Variants in SFMBT2 observed in about 807,000 individuals in gnomAD.
SFMBT2 encodes the protein Scm like with four mbt domains 2.
SFMBT2 carries 38 observed loss-of-function variants against 110.1 expected under a neutral mutation model. The ratio of observed to expected loss-of-function variants is 0.35; its 90% confidence interval spans 0.27 to 0.45. The LOEUF is 0.45. Among genes scored for constraint, SFMBT2 ranks in the 20% least tolerant of loss-of-function variants. The pLI is 1.00. For synonymous variants in SFMBT2, 425 were observed against 425.4 expected, an observed-to-expected ratio of 1.00 and a Z score of 0.01; for missense variants, 1,011 against 1,094.9, an observed-to-expected ratio of 0.92 and a Z score of 1.08.
At chr10:7,173,869 G>A (rs1837964640) in intron 17 of SFMBT2, among the ~76,000 whole-genome samples, 1 of 152,150 alleles carries the variant, frequency 6.6e-6, no homozygotes, top group Admixed American at 6.5e-5. Flanking sequence ...CATGATTTTA[G>A]TGCATTCTCA....
At chr10:7,295,404 A>C (rs1325317662) in intron 4 of SFMBT2, 1 of 152,250 alleles carries the variant, frequency 6.6e-6, no homozygotes, top group African/African-American at 2.4e-5. Context: ...TTACACCTCC[A>C]ACAACTTGTA....
intron 1 of SFMBT2, among the ~76,000 whole-genome samples, chr10:7,401,464 C>A (rs1051761977): frequency 6.6e-6 from 1 of 152,142 alleles, no homozygotes; most frequent in Non-Finnish European, 1.5e-5. Flanking sequence ...ACAATATGTA[C>A]TATGAAAGAA....
chr10:7,285,045 A>G (rs1220898483), intron 5 of SFMBT2: 3 of 152,250 alleles, frequency 2.0e-5, no homozygotes, highest in Non-Finnish European at 4.4e-5. Context: ...TGTCAATATC[A>G]TTTATGAAAA....
At chr10:7,285,682 T>A (rs1269333541) in intron 5 of SFMBT2, 184 bp downstream of exon 5, 8 of 578,710 alleles carry the variant, frequency 1.4e-5, no homozygotes, top group Non-Finnish European at 2.2e-5. Flanking sequence ...GGAAGTTTCA[T>A]CAATGCCATT....
chr10:7,376,718 G>C (rs929701200), intron 2 of SFMBT2, among the ~76,000 whole-genome samples: 2 of 12,264 alleles, frequency 1.6e-4, no homozygotes, highest in African/African-American at 2.7e-4. Context: ...AAAAAAAAAG[G>C]CCCTCCCACA....
intron 9 of SFMBT2, among the ~76,000 whole-genome samples, chr10:7,229,148 T>C (rs1406483330): frequency 6.6e-6 from 1 of 152,126 alleles, no homozygotes. Context: ...TCTAAGAGAT[T>C]TCTTATGTTT....
chr10:7,243,010 T>C (rs1224258926), intron 9 of SFMBT2, among the ~76,000 whole-genome samples: 1 of 152,222 alleles, frequency 6.6e-6, no homozygotes, highest in Non-Finnish European at 1.5e-5. Context: ...CAAACCACAC[T>C]GGTAAACTCT....
In SFMBT2 at chr10:7,163,946, G is replaced by A; in HGVS notation, c.2545-36C>T. 2 of 1,601,930 alleles carry A rather than the reference G, an allele frequency of 1.2e-6. No homozygotes were observed. The highest frequency in any genetic ancestry group is 1.7e-5 in the Admixed American group (1 of 58,932). The stretch of plus-strand genomic sequence containing the variant: ...AGAAAGGCAGGTTAGAGAAGGGGCA[G>A]TGTGCACTGGGGTACACAGATGCGT... On this transcript the variant is annotated intron_variant, in intron 20 of 20. Transcript: ENST00000397167. This position sits in a 1 kb window ranked among gnomAD's most constrained non-coding sequence, Gnocchi z 4.8.
intron 2 of SFMBT2, among the ~76,000 whole-genome samples, chr10:7,374,042 C>G (rs747164915): frequency 3.3e-5 from 5 of 152,282 alleles, no homozygotes; most frequent in Non-Finnish European, 5.9e-5. Context: ...GAAGGTGGAT[C>G]ACTTGAGGTC....
intron 4 of SFMBT2, among the ~76,000 whole-genome samples, chr10:7,354,597 G>A (rs971224898): frequency 1.3e-5 from 2 of 152,088 alleles, no homozygotes; most frequent in African/African-American, 2.4e-5. Flanking sequence ...CTAAATCCAC[G>A]CGTGCCCAAA....
At chr10:7,229,959 C>G (rs922625830) in intron 9 of SFMBT2, among the ~76,000 whole-genome samples, 4 of 151,698 alleles carry the variant, frequency 2.6e-5, no homozygotes, top group African/African-American at 9.7e-5. Context: ...CCTTATGATC[C>G]ACCCACCTCA....
At chr10:7,308,329 T>C (rs1314599501) in intron 4 of SFMBT2, among the ~76,000 whole-genome samples, 1 of 151,944 alleles carries the variant, frequency 6.6e-6, no homozygotes, top group Non-Finnish European at 1.5e-5. Context: ...CACTGCACTC[T>C]CCAGAGCGAT....
intron 7 of SFMBT2, among the ~76,000 whole-genome samples, chr10:7,274,675 T>C (rs1320159670): frequency 6.6e-6 from 1 of 152,158 alleles, no homozygotes; most frequent in East Asian, 1.9e-4. Context: ...CAGGTATGTC[T>C]TCCCTAACAG....
At chr10:7,321,497 G>A (rs952386722) in intron 4 of SFMBT2, among the ~76,000 whole-genome samples, 1 of 152,092 alleles carries the variant, frequency 6.6e-6, no homozygotes, top group Non-Finnish European at 1.5e-5. Context: ...CACCGTGCCC[G>A]GCATTTATGA....
At chr10:7,343,224 T>C (rs1292568512) in intron 4 of SFMBT2, among the ~76,000 whole-genome samples, 4 of 151,896 alleles carry the variant, frequency 2.6e-5, no homozygotes, top group Non-Finnish European at 5.9e-5. Context: ...GATCTTGCTT[T>C]TTTTTTTTAA....
chr10:7,205,513 CAT>C (rs113585768), intron 12 of SFMBT2: 176,337 of 984,776 alleles, frequency 0.18, 16,367 homozygotes, highest in African/African-American at 0.3. Context: ...TAGTATCTAA[CAT>C]ATTTTTTCAC....
At chr10:7,333,033 AT>A (rs1843610926) in intron 4 of SFMBT2, among the ~76,000 whole-genome samples, 1 of 152,000 alleles carries the variant, frequency 6.6e-6, no homozygotes, top group Admixed American at 6.5e-5. Context: ...CGCCCAGCTA[AT>A]TTTTGTACTT....
At chr10:7,195,224 G>A (rs1338478887) in intron 15 of SFMBT2, among the ~76,000 whole-genome samples, 2 of 152,216 alleles carry the variant, frequency 1.3e-5, no homozygotes, top group African/African-American at 4.8e-5. Context: ...ATTCTTATGT[G>A]TAATCCTGGC....
At chr10:7,299,440 C>G (rs1383976808) in intron 4 of SFMBT2, among the ~76,000 whole-genome samples, 1 of 152,220 alleles carries the variant, frequency 6.6e-6, no homozygotes, top group Non-Finnish European at 1.5e-5. Flanking sequence ...ACAGACACTT[C>G]TCAAAAGCAG....
Sources: gnomAD v4.1 joint callset for allele counts (sites outside exome capture counted in the v4.1 genomes callset) on GRCh38, gnomAD v4.1.1 for gene constraint, Gnocchi (gnomAD v3.1) non-coding constraint, MANE v1.5 for transcripts, NCBI Gene and HGNC (gene_info 2026-07-23, HGNC 2026-07-21) for gene names.